SYTL3: variants seen among roughly 807,000 people sequenced by gnomAD.
SYTL3 encodes synaptotagmin like 3.
Under a neutral mutation model 82.1 loss-of-function variants are expected in SYTL3, and 88 were observed. The ratio of observed to expected loss-of-function variants is 1.07; its 90% CI spans 0.90 to 1.28. SYTL3 has a LOEUF of 1.28. Ranked by LOEUF, SYTL3 falls within the 50% of genes most tolerant of loss-of-function variation. The pLI is 0.00. For missense variants in SYTL3, 831 were observed against 757.6 expected (o/e 1.10, Z -1.14); for synonymous variants, 311 against 289.4 (o/e 1.07, Z -0.76).
At chr6:158,660,532 T>C (rs980671077) in intron 2 of SYTL3, among the ~76,000 whole-genome samples, 1 of 152,206 alleles carries the variant, frequency 6.6e-6, no homozygotes, top group African/African-American at 2.4e-5. Flanking sequence ...CATTGAACCC[T>C]GTATTTCTGA....
chr6:158,758,600 A>G (rs1647937620), intron 14 of SYTL3, among the ~76,000 whole-genome samples: 1 of 152,108 alleles, frequency 6.6e-6, no homozygotes, highest in South Asian at 2.1e-4. Context: ...TCTGCCTGGA[A>G]GCTTCTCAGG....
chr6:158,707,211 C>T lies in SYTL3; in HGVS notation c.395-19C>T. 6.2e-7 allele frequency: 1 copy of T among 1,613,350 alleles called. No individual in the cohort carries two copies. Among genetic ancestry groups the T allele is most frequent in the Non-Finnish European group, 8.5e-7 (1 of 1,179,768 alleles). ...TGCTATTCTTAATAATAAACGCCCT[C>T]TATGGATATCTCTCGCAGGCAAACA... On this transcript the variant is annotated intron_variant, in intron 6 of 17. Transcript: ENST00000611299.
intron 10 of SYTL3, among the ~76,000 whole-genome samples, chr6:158,724,488 A>AT (rs1310064710): frequency 6.6e-6 from 1 of 152,204 alleles, no homozygotes; most frequent in African/African-American, 2.4e-5. Flanking sequence ...ATTTTCAGTC[A>AT]TTAAGAGGTT....
chr6:158,676,601 C>G (rs1158521866), intron 5 of SYTL3, among the ~76,000 whole-genome samples: 8 of 152,010 alleles, frequency 5.3e-5, no homozygotes, highest in Non-Finnish European at 1.0e-4. Context: ...AAGAAACCAC[C>G]ATCAGAGTGA....
intron 6 of SYTL3, among the ~76,000 whole-genome samples, chr6:158,701,015 G>A (rs992115013): frequency 6.6e-6 from 1 of 152,224 alleles, no homozygotes; most frequent in Non-Finnish European, 1.5e-5. Context: ...AAAAAGGGGA[G>A]AGACAGATGC....
At chr6:158,726,298 AG>A (rs1784711485) in intron 11 of SYTL3, 2 of 405,104 alleles carry the variant, frequency 4.9e-6, no homozygotes, top group Non-Finnish European at 9.6e-6. Flanking sequence ...CCCATGACAC[AG>A]GCGTCTTCAG....
In SYTL3 at chr6:158,665,418, A is replaced by C; in HGVS notation, c.134A>C (p.His45Pro). The C allele has an allele frequency of 6.2e-7, 1 of 1,602,140 alleles. No homozygotes were observed. The highest frequency in any genetic ancestry group is 1.7e-5 in the Admixed American group (1 of 58,168). Residue 45 changes from histidine to proline, a missense_variant, in exon 5 of 18, where the codon CAT (histidine) becomes CCT (proline). His to Pro is a moderately conservative substitution (Grantham distance 77). Coordinates refer to ENST00000611299, the MANE Select transcript of SYTL3 (RefSeq NM_001242394.2). Reference protein sequence around the residue: ...RTRKLKTHLQHLRWKGAKNTD... With the variant: ...RTRKLKTHLQPLRWKGAKNTD... ...AGGAAACTGAAAACACACCTGCAGC[A>C]TCTCCGGTGGAAAGGAGCGAAGAAC...
chr6:158,743,517 C>CT (rs1356398573), intron 11 of SYTL3, among the ~76,000 whole-genome samples: 4 of 150,358 alleles, frequency 2.7e-5, no homozygotes, highest in Non-Finnish European at 5.9e-5. Flanking sequence ...CTGCTCACAC[C>CT]TTTTGCCAAG....
chr6:158,726,221 T>A, intron 11 of SYTL3: 1 of 434,460 alleles, frequency 2.3e-6, no homozygotes, highest in Non-Finnish European at 4.5e-6. Flanking sequence ...CTACACCATC[T>A]GTCAAAGAGG....
At chr6:158,693,840 C>CT (rs1780223027) in intron 6 of SYTL3, among the ~76,000 whole-genome samples, 2 of 87,536 alleles carry the variant, frequency 2.3e-5, no homozygotes, top group South Asian at 7.5e-4. Flanking sequence ...TGCATCCAGC[C>CT]TTTCTTTTTC....
At chr6:158,729,572 T>C (rs907320785) in intron 11 of SYTL3, among the ~76,000 whole-genome samples, 9 of 149,458 alleles carry the variant, frequency 6.0e-5, no homozygotes, top group South Asian at 2.1e-4. Context: ...TTTTCTTTTT[T>C]TTTTTTTTTT....
intron 12 of SYTL3, 48 bp from the exon 13 acceptor site, chr6:158,751,879 AC>A: frequency 7.2e-7 from 1 of 1,389,992 alleles, no homozygotes; most frequent in South Asian, 1.3e-5. Flanking sequence ...CTCTTTATCC[AC>A]CCCTTTCCCT....
intron 11 of SYTL3, among the ~76,000 whole-genome samples, chr6:158,728,129 CT>C (rs1379190940): frequency 6.6e-6 from 1 of 151,998 alleles, no homozygotes; most frequent in African/African-American, 2.4e-5. Flanking sequence ...GCAGCATGTT[CT>C]TTTACGGTTA....
chr6:158,683,367 C>T (rs779688568), intron 6 of SYTL3, among the ~76,000 whole-genome samples: 4 of 152,048 alleles, frequency 2.6e-5, no homozygotes, highest in Admixed American at 1.3e-4. Flanking sequence ...ATTACAGGCA[C>T]GTGCCACCAC....
At chr6:158,723,743 T>C (rs1054654174) in intron 10 of SYTL3, among the ~76,000 whole-genome samples, 5 of 152,350 alleles carry the variant, frequency 3.3e-5, no homozygotes, top group Admixed American at 3.3e-4. Flanking sequence ...GGTAAGCTTT[T>C]TCTCCTACTT....
rs201778785 is a variant in SYTL3 at position 158,665,462 on chromosome 6, G to A, written c.178G>A (p.Glu60Lys). 1 of 1,608,898 alleles carries A rather than the reference G, an allele frequency of 6.2e-7. No individual in the cohort carries two copies. Among genetic ancestry groups the A allele is most frequent in the Admixed American group, 1.7e-5 (1 of 59,234 alleles). ...GAKNTDWEHK[E>K]KCCARCQQVL... ...GAAGAACACGGACTGGGAGCACAAA[G>A]AGAAGTGCTGTGCGCGCTGCCAGCA... Residue 60 changes from glutamate (E) to lysine (K), a missense_variant, in exon 5 of 18, where the codon GAG becomes AAG. Transcript: ENST00000611299.
Sources: allele counts gnomAD v4.1 joint callset (sites outside exome capture counted in the v4.1 genomes callset), GRCh38; gene constraint gnomAD v4.1.1; transcripts MANE v1.5; gene names NCBI Gene and HGNC (gene_info 2026-07-23, HGNC 2026-07-21).